AGBL4: variants seen among roughly 807,000 people sequenced by gnomAD.
The protein encoded by AGBL4 is cytosolic carboxypeptidase 6.
Under a neutral mutation model 66.4 loss-of-function variants are expected in AGBL4, and 58 were observed. The ratio of observed to expected loss-of-function variants is 0.87; its 90% CI spans 0.71 to 1.09. AGBL4 has a LOEUF of 1.09. AGBL4 is among the 50% of genes least tolerant of loss of function. The probability of loss-of-function intolerance (pLI) is 0.00; values close to 1 mark genes in which losing one functional copy is unlikely to be tolerated. For missense variants in AGBL4, 579 were observed against 631.0 expected, an observed-to-expected ratio of 0.92 and a Z score of 0.88; for synonymous variants, 234 against 222.9, an observed-to-expected ratio of 1.05 and a Z score of -0.44.
intron 3 of AGBL4, among the ~76,000 whole-genome samples, chr1:49,687,792 A>T (rs1484910496): frequency 1.3e-5 from 2 of 152,114 alleles, no homozygotes; most frequent in Non-Finnish European, 2.9e-5. Flanking sequence ...TAAAAAAAAA[A>T]TTAAAAAAAT....
intron 1 of AGBL4, among the ~76,000 whole-genome samples, chr1:50,002,649 G>T (rs950360377): frequency 6.6e-6 from 1 of 152,050 alleles, no homozygotes; most frequent in Non-Finnish European, 1.5e-5. Flanking sequence ...GATTACAGGC[G>T]TGAGCCACCG....
At chr1:49,014,848 A>G (rs1031167303) in intron 5 of AGBL4, among the ~76,000 whole-genome samples, 21 of 152,190 alleles carry the variant, frequency 1.4e-4, no homozygotes, top group Non-Finnish European at 2.9e-5. Context: ...CAATGTTATT[A>G]TTCATTATGT....
chr1:49,561,677 T>G (rs1318794372), intron 3 of AGBL4, among the ~76,000 whole-genome samples: 1 of 152,176 alleles, frequency 6.6e-6, no homozygotes, highest in African/African-American at 2.4e-5. Flanking sequence ...ATGGTGTATA[T>G]GTGCCACATT....
intron 3 of AGBL4, among the ~76,000 whole-genome samples, chr1:49,486,748 C>G (rs1364679734): frequency 6.6e-6 from 1 of 152,014 alleles, no homozygotes; most frequent in Admixed American, 6.6e-5. Context: ...ATGATGCAAA[C>G]AAGTTCTGAA....
intron 6 of AGBL4, among the ~76,000 whole-genome samples, chr1:48,686,517 A>G (rs568755134): frequency 1.3e-5 from 2 of 152,364 alleles, no homozygotes; most frequent in African/African-American, 4.8e-5. Context: ...AAAGTGTTCA[A>G]TGAGAATGTG....
chr1:48,893,705 A>AATAATTAAATAAAT (rs1553120621), intron 5 of AGBL4, among the ~76,000 whole-genome samples: 1 of 148,318 alleles, frequency 6.7e-6, no homozygotes, highest in Non-Finnish European at 1.5e-5. Flanking sequence ...TAAATAAATA[A>AATAATTAAATAAAT]AAAGATAAAA....
chr1:49,782,948 T>C (rs569118702), intron 2 of AGBL4, among the ~76,000 whole-genome samples: 9 of 152,062 alleles, frequency 5.9e-5, no homozygotes, highest in African/African-American at 2.2e-4. Flanking sequence ...TTCTGTTATA[T>C]AATAGCAGCA....
intron 3 of AGBL4, among the ~76,000 whole-genome samples, chr1:49,408,346 C>T (rs1011691682): frequency 2.0e-4 from 31 of 152,284 alleles, no homozygotes; most frequent in African/African-American, 7.2e-4. Flanking sequence ...TAAAGCACTT[C>T]GCAATCTATA....
At position 49,521,695 on chromosome 1, in the gene AGBL4, C is replaced by T. The variant is rs61467086; in HGVS notation, c.282+175618G>A. 9.4e-3 allele frequency among the ~76,000 whole-genome samples: 1,426 copies of T among 152,112 alleles called. 17 individuals carry two copies. The highest frequency in any genetic ancestry group is 0.032 in the African/African-American group (1,335 of 41,526). ...AATATTTAAACATAAGACCCCCAAC[C>T]TATAAAAATTCTAAAAGAAAAACTA... On this transcript the variant is annotated intron_variant, in intron 3 of 13. Coordinates refer to ENST00000371839, the MANE Select transcript of AGBL4 (RefSeq NM_032785.4).
At chr1:49,119,852 T>A (rs1225376031) in intron 4 of AGBL4, among the ~76,000 whole-genome samples, 1 of 152,200 alleles carries the variant, frequency 6.6e-6, no homozygotes, top group South Asian at 2.1e-4. Flanking sequence ...CCTTTATGAA[T>A]CTGGGTGCTC....
intron 2 of AGBL4, among the ~76,000 whole-genome samples, chr1:49,760,651 C>A (rs1417556578): frequency 6.6e-6 from 1 of 152,078 alleles, no homozygotes; most frequent in Non-Finnish European, 1.5e-5. Context: ...TACCACTTGA[C>A]CCAGGAATCC....
chr1:49,911,231 C>A (rs913322177), intron 1 of AGBL4, among the ~76,000 whole-genome samples: 2 of 152,038 alleles, frequency 1.3e-5, no homozygotes, highest in Non-Finnish European at 2.9e-5. Flanking sequence ...AAATAATGAG[C>A]TGGACTCGCG....
intron 8 of AGBL4, among the ~76,000 whole-genome samples, chr1:48,636,163 A>T (rs1406300978): frequency 6.6e-6 from 1 of 152,184 alleles, no homozygotes; most frequent in Non-Finnish European, 1.5e-5. Flanking sequence ...TTGCTTGGTA[A>T]GAGGATTGAC....
chr1:48,558,027 C>A lies in AGBL4; in HGVS notation c.1268-18289G>T, dbSNP rs1464351037. Among the ~76,000 whole-genome samples, 7 of 152,068 alleles carry A rather than the reference C, an allele frequency of 4.6e-5. No individual in the cohort carries two copies. The East Asian group carries it at 9.6e-4, about 21-fold the overall frequency. ...AAAAGTAAAGGAATAAATAAATAAC[C>A]CTTAGATAAGTGGGTCATCCACCAA... is the stretch of plus-strand genomic sequence containing the variant. On this transcript the variant is annotated intron_variant, in intron 11 of 13. Coordinates refer to ENST00000371839, the MANE Select transcript of AGBL4 (RefSeq NM_032785.4).
At chr1:48,662,905 T>C (rs1025383471) in intron 7 of AGBL4, among the ~76,000 whole-genome samples, 1 of 152,234 alleles carries the variant, frequency 6.6e-6, no homozygotes, top group African/African-American at 2.4e-5. Context: ...GATAACTTCG[T>C]TCAGCCCTCC....
At chr1:49,288,879 T>TA (rs555777726) in intron 3 of AGBL4, among the ~76,000 whole-genome samples, 23 of 151,426 alleles carry the variant, frequency 1.5e-4, no homozygotes, top group Non-Finnish European at 2.4e-4. Flanking sequence ...GTCTGCCTGG[T>TA]AAAAAAAAAT....
chr1:49,350,235 G>A (rs1356322744), intron 3 of AGBL4, among the ~76,000 whole-genome samples: 1 of 140,338 alleles, frequency 7.1e-6, no homozygotes. Flanking sequence ...ACGGAGTCTC[G>A]CTCTGTCGCC....
At chr1:48,635,316 CT>C (rs956669451) in intron 8 of AGBL4, among the ~76,000 whole-genome samples, 1 of 152,234 alleles carries the variant, frequency 6.6e-6, no homozygotes, top group Non-Finnish European at 1.5e-5. Context: ...TAAGCTTTCT[CT>C]TTCCAAATGC....
intron 2 of AGBL4, among the ~76,000 whole-genome samples, chr1:49,740,449 T>G (rs949355772): frequency 6.6e-6 from 1 of 152,092 alleles, no homozygotes; most frequent in African/African-American, 2.4e-5. Flanking sequence ...ACAATAATAA[T>G]GGGAGACTTT....
Sources: allele counts gnomAD v4.1 joint callset (sites outside exome capture counted in the v4.1 genomes callset), GRCh38; gene constraint gnomAD v4.1.1; transcripts MANE v1.5; gene names NCBI Gene and HGNC (gene_info 2026-07-23, HGNC 2026-07-21).